Variants in MARCHF1 observed in about 807,000 individuals in gnomAD.
The protein encoded by MARCHF1 is E3 ubiquitin-protein ligase MARCHF1.
MARCHF1 carries 40 observed loss-of-function variants against 54.2 expected under a neutral mutation model. That is an observed-to-expected ratio of 0.74 (90% CI 0.57 to 0.96). MARCHF1 has a LOEUF of 0.96. Ranked by LOEUF, MARCHF1 falls within the 40% of genes least tolerant of loss-of-function variation. MARCHF1 has a pLI of 0.00. For synonymous variants in MARCHF1, 236 were observed against 236.3 expected, an observed-to-expected ratio of 1.00 and a Z score of 0.01; for missense variants, 586 against 656.5, an observed-to-expected ratio of 0.89 and a Z score of 1.17.
chr4:164,088,211 T>C (rs891105271), intron 2 of MARCHF1, among the ~76,000 whole-genome samples: 1 of 152,202 alleles, frequency 6.6e-6, no homozygotes, highest in African/African-American at 2.4e-5. Context: ...CAGAATTCAT[T>C]ATTTACACAC....
At chr4:164,043,784 C>A (rs1422605071) in intron 2 of MARCHF1, among the ~76,000 whole-genome samples, 2 of 152,178 alleles carry the variant, frequency 1.3e-5, no homozygotes, top group African/African-American at 4.8e-5. Flanking sequence ...CAGACCATTT[C>A]TTTCTCCATG....
chr4:163,606,931 T>C (rs1375601362), intron 7 of MARCHF1, among the ~76,000 whole-genome samples: 1 of 152,070 alleles, frequency 6.6e-6, no homozygotes, highest in Non-Finnish European at 1.5e-5. Context: ...CCCTGGGATT[T>C]CATGTATAAG....
At chr4:163,700,524 AGAAAGAAGGAAGGAAGGAAG>A (rs1181392194) in intron 5 of MARCHF1, among the ~76,000 whole-genome samples, 45 of 125,002 alleles carry the variant, frequency 3.6e-4, no homozygotes, top group African/African-American at 1.2e-3. Context: ...ATAGAAAGAA[AGAAAGAAGGAAGGAAGGAAG>A]GAAGGAAGGA....
At chr4:163,814,395 T>C (rs991548489) in intron 4 of MARCHF1, among the ~76,000 whole-genome samples, 1 of 152,106 alleles carries the variant, frequency 6.6e-6, no homozygotes, top group Non-Finnish European at 1.5e-5. Flanking sequence ...CCCCAACACA[T>C]GGTGAAACCT....
rs149071583 is a variant in MARCHF1, at chr4:164,124,648, A to G, written c.-322-12986T>C. 3.4e-3 allele frequency among the ~76,000 whole-genome samples: 513 copies of G among 152,270 alleles called. 4 individuals are homozygous for G. The highest frequency in any genetic ancestry group is 4.9e-3 in the Non-Finnish European group (332 of 68,014). On this transcript the variant is annotated intron_variant, in intron 1 of 9. Transcript: ENST00000514618. ...AACAACATGGTTGGAAATGGAGATCATTATCTTAAGTGAAATAAGCCAGGC... is the reference window on the plus strand; with the variant it reads ...AACAACATGGTTGGAAATGGAGATCGTTATCTTAAGTGAAATAAGCCAGGC...
Position 163,805,853 on chromosome 4 carries a change from G to A in MARCHF1, c.111+48168C>T, listed in dbSNP as rs75502933. ...CAGCTGCAGAATCCCCTCTTCTCTT[G>A]TTCTCTTACCTTTGCCAAAATACTC... On this transcript the variant is annotated intron_variant, in intron 4 of 9. Transcript: ENST00000514618. Among the ~76,000 whole-genome samples the A allele has an allele frequency of 3.1e-3, 467 of 152,224 alleles. 3 individuals carry two copies. Among genetic ancestry groups the A allele is most frequent in the African/African-American group, 0.011 (444 of 41,546 alleles).
At chr4:164,048,465 A>T (rs958040032) in intron 2 of MARCHF1, among the ~76,000 whole-genome samples, 5 of 152,194 alleles carry the variant, frequency 3.3e-5, no homozygotes, top group African/African-American at 9.6e-5. Context: ...CAGATTTATC[A>T]AATGAATCTT....
intron 2 of MARCHF1, among the ~76,000 whole-genome samples, chr4:164,034,856 T>A (rs1466966567): frequency 3.3e-5 from 5 of 152,180 alleles, no homozygotes; most frequent in African/African-American, 1.2e-4. Context: ...ACAGAAAGAA[T>A]GTTAAAAATC....
intron 3 of MARCHF1, among the ~76,000 whole-genome samples, chr4:163,944,261 C>T (rs200560687): frequency 2.0e-5 from 3 of 151,736 alleles, no homozygotes; most frequent in Admixed American, 1.3e-4. Flanking sequence ...GGATTACAGG[C>T]GTGAGCCACC....
At chr4:163,871,043 T>C (rs1750158040) in intron 3 of MARCHF1, among the ~76,000 whole-genome samples, 1 of 152,112 alleles carries the variant, frequency 6.6e-6, no homozygotes, top group African/African-American at 2.4e-5. Context: ...ATATAATAAT[T>C]ACCCTGATTT....
intron 1 of MARCHF1, among the ~76,000 whole-genome samples, chr4:164,366,334 C>G (rs942594221): frequency 6.6e-6 from 1 of 152,006 alleles, no homozygotes; most frequent in Non-Finnish European, 1.5e-5. Flanking sequence ...AAAGTTTACA[C>G]TCCAGGAGAA....
intron 1 of MARCHF1, among the ~76,000 whole-genome samples, chr4:164,351,991 A>C (rs1242666066): frequency 1.4e-5 from 2 of 140,086 alleles, no homozygotes; most frequent in African/African-American, 5.1e-5. Flanking sequence ...TGATGCGATC[A>C]ACTGGAAGAA....
chr4:163,550,853 A>G (rs1490881141), intron 8 of MARCHF1, among the ~76,000 whole-genome samples: 4 of 152,232 alleles, frequency 2.6e-5, no homozygotes, highest in African/African-American at 7.2e-5. Context: ...AGCAGCAATC[A>G]GGAAACTTGT....
intron 1 of MARCHF1, among the ~76,000 whole-genome samples, chr4:164,266,634 T>C (rs1319909254): frequency 1.3e-5 from 2 of 152,138 alleles, no homozygotes; most frequent in Non-Finnish European, 2.9e-5. Context: ...TAAATATTTA[T>C]TTTCTTAGTT....
chr4:163,547,541 A>G (rs186256449), intron 8 of MARCHF1, among the ~76,000 whole-genome samples: 2 of 152,336 alleles, frequency 1.3e-5, no homozygotes, highest in Middle Eastern at 3.4e-3. Flanking sequence ...AAAAATCTTG[A>G]GAACTGGAGT....
In MARCHF1 at chr4:164,220,329, G is replaced by T. The variant is rs867710973; in HGVS notation, c.-322-108667C>A. 5.6e-5 allele frequency among the ~76,000 whole-genome samples: 8 copies of T among 144,004 alleles called. No homozygotes were observed. In the East Asian group the frequency reaches 8.0e-4, roughly 14 times the overall value. 94.5% of individuals were successfully genotyped at this position (144,004 alleles called of 152,430 possible). Reference sequence around the variant, plus strand: ...ATATATAGGAATTCATATATATATAGGAATTCCATTATATATATGAATCCC... The same window carrying T: ...ATATATAGGAATTCATATATATATATGAATTCCATTATATATATGAATCCC... On this transcript the variant is annotated intron_variant, in intron 1 of 9. Coordinates refer to ENST00000514618, the MANE Select transcript of MARCHF1 (RefSeq NM_001394959.1).
At chr4:163,820,261 C>T (rs1270226347) in intron 4 of MARCHF1, among the ~76,000 whole-genome samples, 1 of 152,034 alleles carries the variant, frequency 6.6e-6, no homozygotes, top group Non-Finnish European at 1.5e-5. Flanking sequence ...CTCTGTAATG[C>T]TGACCCAGTT....
At chr4:164,128,645 G>GA (rs1756237856) in intron 1 of MARCHF1, among the ~76,000 whole-genome samples, 1 of 151,956 alleles carries the variant, frequency 6.6e-6, no homozygotes, top group South Asian at 2.1e-4. Context: ...ATGTTGTAAG[G>GA]AAACAATGTT....
intron 5 of MARCHF1, among the ~76,000 whole-genome samples, chr4:163,655,596 A>G (rs1743109962): frequency 6.6e-6 from 1 of 151,910 alleles, no homozygotes; most frequent in Non-Finnish European, 1.5e-5. Context: ...AAAACAACAG[A>G]ATATACATTT....
Sources: gnomAD v4.1 joint callset for allele counts (sites outside exome capture counted in the v4.1 genomes callset) on GRCh38, gnomAD v4.1.1 for gene constraint, MANE v1.5 for transcripts, NCBI Gene and HGNC (gene_info 2026-07-23, HGNC 2026-07-21) for gene names.